Variants in NTMT1 observed in about 807,000 individuals in gnomAD.
NTMT1 encodes N-terminal Xaa-Pro-Lys N-methyltransferase 1, also known as N-terminal RCC1 methyltransferase.
In NTMT1, 8 loss-of-function variants were observed where a neutral mutation model predicts 17.5. That is an observed-to-expected ratio of 0.46 (90% CI 0.27 to 0.82). The LOEUF (loss-of-function observed/expected upper bound fraction) is 0.82. NTMT1 is among the 40% of genes least tolerant of loss of function. The pLI is 0.15. For missense variants in NTMT1, 221 were observed against 303.5 expected (o/e 0.73, Z 2.02); for synonymous variants, 128 against 126.8 (o/e 1.01, Z -0.06).
intron 1 of NTMT1, among the ~76,000 whole-genome samples, chr9:129,618,957 G>A (rs914865789): frequency 3.4e-5 from 5 of 149,066 alleles, no homozygotes; most frequent in Admixed American, 2.0e-4. Context: ...CTCGTGATCC[G>A]CCCACCTCAG....
At chr9:129,617,952 G>T (rs974176591) in intron 1 of NTMT1, among the ~76,000 whole-genome samples, 2 of 152,182 alleles carry the variant, frequency 1.3e-5, no homozygotes, top group African/African-American at 4.8e-5. Flanking sequence ...CCAAAGCACT[G>T]GGATTATAGG....
chr9:129,611,582 C>T (rs1830116389), intron 1 of NTMT1, among the ~76,000 whole-genome samples: 1 of 151,040 alleles, frequency 6.6e-6, no homozygotes, highest in African/African-American at 2.5e-5. Flanking sequence ...TCTGGACGCC[C>T]TCACTCCATT....
In NTMT1 at chr9:129,620,014, A is replaced by AC. The variant is rs367589276; in HGVS notation, c.-55+10842dup. 5 of 1,448,664 alleles carry AC rather than the reference A, an allele frequency of 3.5e-6. No homozygotes were observed. Among genetic ancestry groups the AC allele is most frequent in the Non-Finnish European group, 3.7e-6 (4 of 1,093,850 alleles). The allele number at this position is 1,448,664 out of a possible 1,614,324, so 89.7% of individuals were successfully genotyped here. On this transcript the variant is annotated intron_variant, in intron 1 of 3. Transcript: ENST00000372486. This position sits in a 1 kb window ranked among gnomAD's most constrained non-coding sequence, Gnocchi z 5.8. ...GGTGGGTGCGGGGACACAAGGGACC[A>AC]CCCCCCACCGGAAATGACTCGGGCC...
Position 129,635,572 on chromosome 9 carries a change from C to G in NTMT1, c.*108C>G. ...GCGGTTCGTGAGTGTCGAGGCACCA[C>G]TAAATATAGCTGTCTGCCGTCCACT... On this transcript the variant is annotated 3_prime_UTR_variant, in exon 4 of 4. Coordinates refer to ENST00000372483, the MANE Select transcript of NTMT1 (RefSeq NM_014064.4). 1 of 1,287,472 alleles carries G rather than the reference C, an allele frequency of 7.8e-7. No individual in the cohort carries two copies. The highest frequency in any genetic ancestry group is 1.4e-5 in the South Asian group (1 of 71,184). The allele number at this position is 1,287,472 out of a possible 1,614,324, so 79.8% of individuals were successfully genotyped here.
chr9:129,619,715 C>T, intron 1 of NTMT1: 1 of 1,613,484 alleles, frequency 6.2e-7, no homozygotes, highest in Non-Finnish European at 8.5e-7. Flanking sequence ...ACCCCGTCCC[C>T]ACCAAGAAGC....
rs1831454856 is a variant in NTMT1, at chr9:129,635,106, T to G, written c.416-102T>G. ...GAGGCCATGTGTGCACACAAAATGC[T>G]GGGCACAAATGAGGGGCTCAGCGGG... On this transcript the variant is annotated intron_variant, in intron 3 of 3. Transcript: ENST00000372483. 8 of 1,398,092 alleles carry G rather than the reference T, an allele frequency of 5.7e-6. No individual in the cohort carries two copies. In the Middle Eastern group the frequency reaches 7.6e-4, roughly 133 times the overall value. 86.6% of individuals were successfully genotyped at this position (1,398,092 alleles called of 1,614,324 possible). A position where few individuals can be genotyped will look rare whatever the true frequency, so the allele number is the denominator to read the frequency against.
In NTMT1 at chr9:129,635,216, A is replaced by C. The variant is rs955586777; in HGVS notation, c.424A>C (p.Thr142Pro). 1.2e-6 allele frequency: 2 copies of C among 1,608,810 alleles called. No homozygotes were observed. The highest frequency in any genetic ancestry group is 1.7e-6 in the Non-Finnish European group (2 of 1,179,606). Reference sequence around the variant, plus strand: ...GCCTCTGCCCTCCCCAGGCCACCTCACCGATCAGCACCTGGCCGAGTTCCT... The same window carrying C: ...GCCTCTGCCCTCCCCAGGCCACCTCCCCGATCAGCACCTGGCCGAGTTCCT... ...IWIQWVIGHL[T>P]DQHLAEFLRR... The change falls in exon 4 of 4, where the codon ACC (threonine) becomes CCC (proline). Residue 142 changes from threonine (T) to proline (P), a missense_variant. Coordinates refer to ENST00000372483, the MANE Select transcript of NTMT1 (RefSeq NM_014064.4).
chr9:129,620,131 G>A lies in NTMT1; in HGVS notation c.-55+10953G>A. 1 of 1,458,276 alleles carries A rather than the reference G, an allele frequency of 6.9e-7. No homozygotes were observed. Among genetic ancestry groups the A allele is most frequent in the Non-Finnish European group, 9.1e-7 (1 of 1,103,720 alleles). 90.3% of individuals were successfully genotyped at this position (1,458,276 alleles called of 1,614,324 possible). A position where few individuals can be genotyped will look rare whatever the true frequency, so the allele number is the denominator to read the frequency against. ...GGTGCAGGAACTCACGGAACCTGCT[G>A]GGGAGGAGCTCTCCTAGGAAGGCGC... is the stretch of plus-strand genomic sequence containing the variant. On this transcript the variant is annotated intron_variant, in intron 1 of 3. Coordinates refer to the NTMT1 transcript ENST00000372486. This position sits in a 1 kb window ranked among gnomAD's most constrained non-coding sequence, Gnocchi z 5.8.
rs140376337 is a variant in NTMT1, at chr9:129,632,967, G to A, written c.162+102G>A. On this transcript the variant is annotated intron_variant, in intron 2 of 3. Transcript: ENST00000372483. ...TTTACACATGTAACACTGCAGGATTGTTGGCTATCTCTTGGTACCTACCCC... is the reference window on the plus strand; with the variant it reads ...TTTACACATGTAACACTGCAGGATTATTGGCTATCTCTTGGTACCTACCCC... The A allele has an allele frequency of 3.2e-4, 417 of 1,300,116 alleles. 6 individuals are homozygous for A. The African/African-American group carries it at 5.4e-3, about 17-fold the overall frequency. The allele number at this position is 1,300,116 out of a possible 1,614,324, so 80.5% of individuals were successfully genotyped here.
intron 1 of NTMT1, among the ~76,000 whole-genome samples, chr9:129,617,075 G>A (rs3002460): frequency 0.029 from 4,381 of 150,302 alleles, 70 homozygotes; most frequent in Admixed American, 0.045. Context: ...CAAAAAAAAA[G>A]AAAAAAAAAA....
At chr9:129,615,082 C>G (rs1036191299) in intron 1 of NTMT1, among the ~76,000 whole-genome samples, 5 of 152,198 alleles carry the variant, frequency 3.3e-5, no homozygotes, top group Non-Finnish European at 7.3e-5. Context: ...CGAGGTCTGC[C>G]TTCATGGATG....
chr9:129,614,440 C>T lies in NTMT1; in HGVS notation c.-55+5262C>T, dbSNP rs1830249230. On this transcript the variant is annotated intron_variant, in intron 1 of 3. Transcript: ENST00000372486. The surrounding 1 kb of genome is among the most constrained non-coding windows in gnomAD (Gnocchi z 4.4). ...GAGGCAGACATTTCCTGAAACTGCA[C>T]ATAGTGGGTGCTCAATAAACAGCTA... is the stretch of plus-strand genomic sequence containing the variant. Among the ~76,000 whole-genome samples the T allele has an allele frequency of 6.6e-6, 1 of 152,200 alleles. No individual in the cohort carries two copies. Among genetic ancestry groups the T allele is most frequent in the Non-Finnish European group, 1.5e-5 (1 of 68,042 alleles).
chr9:129,627,950 G>A (rs1830976612), intron 1 of NTMT1, among the ~76,000 whole-genome samples: 1 of 152,312 alleles, frequency 6.6e-6, no homozygotes, highest in East Asian at 1.9e-4. Context: ...CAGTACCTTG[G>A]GTCTGAACAC....
At chr9:129,619,786 G>A (rs779812510) in intron 1 of NTMT1, 1 of 1,614,100 alleles carries the variant, frequency 6.2e-7, no homozygotes, top group South Asian at 1.1e-5. Context: ...GGAGACCCTG[G>A]GCAGTGCTCT....
chr9:129,628,182 G>A (rs1830986172), intron 1 of NTMT1, among the ~76,000 whole-genome samples: 1 of 152,176 alleles, frequency 6.6e-6, no homozygotes, highest in Non-Finnish European at 1.5e-5. Flanking sequence ...CCTGCTGTTG[G>A]CTGACTGACC....
chr9:129,620,546 G>A lies in NTMT1; in HGVS notation c.-55+11368G>A. The A allele has an allele frequency of 7.1e-7, 1 of 1,403,044 alleles. No homozygotes were observed. The highest frequency in any genetic ancestry group is 1.5e-5 in the South Asian group (1 of 64,660). 86.9% of individuals were successfully genotyped at this position (1,403,044 alleles called of 1,614,324 possible). ...GAGCCCCTTGGGCGCCAGGTCCTGG[G>A]CCCCTGGGCGAAGTCGACGCCAGAA... On this transcript the variant is annotated intron_variant, in intron 1 of 3. Transcript: ENST00000372486. This position sits in a 1 kb window ranked among gnomAD's most constrained non-coding sequence, Gnocchi z 5.8.
At chr9:129,631,826 TCCTC>T (rs980256108) in intron 1 of NTMT1, among the ~76,000 whole-genome samples, 3 of 152,062 alleles carry the variant, frequency 2.0e-5, no homozygotes, top group African/African-American at 4.8e-5. Flanking sequence ...CGACTCCACT[TCCTC>T]CCTCCGTGCT....
In NTMT1 at chr9:129,613,961, A is replaced by T. The variant is rs1280406393; in HGVS notation, c.-55+4783A>T. Among the ~76,000 whole-genome samples the T allele has an allele frequency of 6.6e-6, 1 of 152,150 alleles. No individual in the cohort carries two copies. Among genetic ancestry groups the T allele is most frequent in the Admixed American group, 6.6e-5 (1 of 15,266 alleles). ...CAGGGATGGGGGCTCTTCCTGTCCA[A>T]CAGCAGCCATGCGAGGTGGTCCAAG... On this transcript the variant is annotated intron_variant, in intron 1 of 3. Transcript: ENST00000372486. This position sits in a 1 kb window ranked among gnomAD's most constrained non-coding sequence, Gnocchi z 6.2.
upstream of NTMT1, among the ~76,000 whole-genome samples, chr9:129,622,308 C>T (rs944018684): frequency 1.3e-5 from 2 of 152,182 alleles, no homozygotes; most frequent in Admixed American, 1.3e-4. Context: ...GCCTGGCCAA[C>T]ATGGTGAAAC....
Sources: allele counts gnomAD v4.1 joint callset (sites outside exome capture counted in the v4.1 genomes callset), GRCh38; gene constraint gnomAD v4.1.1; non-coding constraint Gnocchi (gnomAD v3.1); transcripts MANE v1.5; gene names NCBI Gene and HGNC (gene_info 2026-07-23, HGNC 2026-07-21).